Variants in PRKAR1A observed in about 807,000 individuals in gnomAD.
PRKAR1A encodes the protein protein kinase cAMP-dependent type I regulatory subunit alpha.
In PRKAR1A, 3 loss-of-function variants were observed where a neutral mutation model predicts 52.0. The observed-to-expected ratio is 0.06, with a 90% CI of 0.03 to 0.15. The LOEUF is 0.15. Among genes scored for constraint, PRKAR1A ranks in the 10% least tolerant of loss-of-function variants. The pLI, the probability that PRKAR1A is intolerant of heterozygous loss-of-function variation, is 1.00. For missense variants in PRKAR1A, 240 were observed against 477.4 expected (o/e 0.50, Z 4.63); for synonymous variants, 188 against 168.4 (o/e 1.12, Z -0.90).
chr17:68,486,889 T>G, the PRKAR1A span, among the ~76,000 whole-genome samples: 1 of 149,668 alleles, frequency 6.7e-6, no homozygotes, highest in Non-Finnish European at 1.5e-5. Context: ...TTTTTTTTTT[T>G]CTCAGATGAT....
the PRKAR1A span, among the ~76,000 whole-genome samples, chr17:68,495,741 C>T: frequency 2.6e-5 from 4 of 151,794 alleles, no homozygotes; most frequent in Admixed American, 6.6e-5. Flanking sequence ...AACTTAGTGC[C>T]TTAAAACCAT....
At chr17:68,537,118 A>G (rs2086117510), downstream of PRKAR1A, 2 of 477,906 alleles carry the variant, frequency 4.2e-6, no homozygotes, top group Non-Finnish European at 8.2e-6. The surrounding 1 kb of genome is among the most constrained non-coding windows in gnomAD (Gnocchi z 4.2). Flanking sequence ...CTGAGAAGTC[A>G]GGTATCCACT....
chr17:68,482,687 A>C, the PRKAR1A span, among the ~76,000 whole-genome samples: 1 of 152,232 alleles, frequency 6.6e-6, no homozygotes, highest in Admixed American at 6.5e-5. Context: ...TAAAGGTAAA[A>C]AGAATGGGCA....
chr17:68,424,314 G>A, the PRKAR1A span: 1 of 432,318 alleles, frequency 2.3e-6, no homozygotes, highest in Non-Finnish European at 4.7e-6. Flanking sequence ...AGCCGATGTG[G>A]GAAATCACAA....
chr17:68,502,092 C>G, the PRKAR1A span, among the ~76,000 whole-genome samples: 2 of 152,182 alleles, frequency 1.3e-5, no homozygotes, highest in Non-Finnish European at 2.9e-5. Context: ...TTGCAACAGA[C>G]TCCTGAGAAG....
chr17:68,534,116 TAGAA>T (rs1035520532), downstream of PRKAR1A, among the ~76,000 whole-genome samples: 1 of 152,216 alleles, frequency 6.6e-6, no homozygotes, highest in Non-Finnish European at 1.5e-5. Flanking sequence ...GATTTTTACA[TAGAA>T]AGCAGCATTG....
At chr17:68,419,251 G>C in the PRKAR1A span, among the ~76,000 whole-genome samples, 1 of 152,194 alleles carries the variant, frequency 6.6e-6, no homozygotes, top group Non-Finnish European at 1.5e-5. Context: ...AAGGGCAGAG[G>C]TTAAAGATAC....
chr17:68,463,603 T>C, the PRKAR1A span, among the ~76,000 whole-genome samples: 1 of 152,140 alleles, frequency 6.6e-6, no homozygotes, highest in African/African-American at 2.4e-5. Context: ...TGAAAGTGTG[T>C]TTGGGAGTGT....
chr17:68,544,912 C>A (rs2086476609), intron 11 of PRKAR1A, among the ~76,000 whole-genome samples: 1 of 152,112 alleles, frequency 6.6e-6, no homozygotes. Flanking sequence ...ATTTTAAATT[C>A]AAAGGTTGTT....
At chr17:68,446,330 G>A in the PRKAR1A span, among the ~76,000 whole-genome samples, 4 of 151,928 alleles carry the variant, frequency 2.6e-5, no homozygotes, top group African/African-American at 7.3e-5. Flanking sequence ...ACAGGTGTGC[G>A]CCACCATGCC....
the PRKAR1A span, among the ~76,000 whole-genome samples, chr17:68,452,348 C>T: frequency 6.6e-6 from 1 of 152,128 alleles, no homozygotes; most frequent in Non-Finnish European, 1.5e-5. Flanking sequence ...GCAGATAACT[C>T]AAAGTCAGGA....
At chr17:68,434,737 A>G in the PRKAR1A span, 3 of 1,063,218 alleles carry the variant, frequency 2.8e-6, no homozygotes, top group Non-Finnish European at 4.1e-6. Context: ...TCTGAGGAGG[A>G]AGAACACCAC....
At chr17:68,440,773 A>T in the PRKAR1A span, 1 of 152,242 alleles carries the variant, frequency 6.6e-6, no homozygotes, top group Non-Finnish European at 1.5e-5. Flanking sequence ...AAGTCCCATG[A>T]TTCTAAATGA....
At position 68,531,111 on chromosome 17, in the gene PRKAR1A, T is replaced by C. The variant is rs1458024298; in HGVS notation, c.*662T>C. Reference sequence around the variant, plus strand: ...GTTATTAATGTTTCTTCTCCAATTCTGAAATACTTTTGAGTATGGCTATCT... The same window carrying C: ...GTTATTAATGTTTCTTCTCCAATTCCGAAATACTTTTGAGTATGGCTATCT... On this transcript the variant is annotated 3_prime_UTR_variant, in exon 11 of 11. Coordinates refer to ENST00000589228, the MANE Select transcript of PRKAR1A (RefSeq NM_002734.5). 1.9e-6 allele frequency: 2 copies of C among 1,067,682 alleles called. No individual in the cohort carries two copies. Among genetic ancestry groups the C allele is most frequent in the Non-Finnish European group, 1.1e-6 (1 of 880,562 alleles). The allele number at this position is 1,067,682 out of a possible 1,614,324, so 66.1% of individuals were successfully genotyped here.
At chr17:68,496,208 AT>A in the PRKAR1A span, among the ~76,000 whole-genome samples, 1 of 147,324 alleles carries the variant, frequency 6.8e-6, no homozygotes, top group South Asian at 2.2e-4. Flanking sequence ...CGCCTGGCTA[AT>A]TTTTGTATTT....
intron 9 of PRKAR1A, 133 bp from the exon 10 acceptor site, chr17:68,529,787 G>T (rs980973903): frequency 3.5e-6 from 3 of 863,406 alleles, no homozygotes; most frequent in Non-Finnish European, 5.9e-6. Flanking sequence ...AGCTCATGTG[G>T]TGACTAACTT....
Position 68,532,091 on chromosome 17 carries a change from T to A in PRKAR1A, c.*1642T>A, listed in dbSNP as rs905876588. The A allele has an allele frequency of 9.4e-7, 1 of 1,064,882 alleles. No homozygotes were observed. Among genetic ancestry groups the A allele is most frequent in the African/African-American group, 1.6e-5 (1 of 61,048 alleles). The allele number at this position is 1,064,882 out of a possible 1,614,324, so 66.0% of individuals were successfully genotyped here. On this transcript the variant is annotated 3_prime_UTR_variant, in exon 11 of 11. Coordinates refer to ENST00000589228, the MANE Select transcript of PRKAR1A (RefSeq NM_002734.5). ...ATCTGGGGAAGAGGTTTTATTTACA[T>A]TTTAGGGTGGGTAAGAAAGCCACCT... is the stretch of plus-strand genomic sequence containing the variant.
chr17:68,526,309 T>A (rs566249284), intron 7 of PRKAR1A, among the ~76,000 whole-genome samples: 2 of 152,336 alleles, frequency 1.3e-5, no homozygotes, highest in South Asian at 4.1e-4. Flanking sequence ...TTCCCTAACC[T>A]GTGAAAGTGG....
the PRKAR1A span, among the ~76,000 whole-genome samples, chr17:68,459,714 A>G: frequency 6.6e-6 from 1 of 152,252 alleles, no homozygotes; most frequent in Non-Finnish European, 1.5e-5. Context: ...TCAGTTTTCT[A>G]GAAGATACAT....
Sources: gnomAD v4.1 joint callset for allele counts (sites outside exome capture counted in the v4.1 genomes callset) on GRCh38, gnomAD v4.1.1 for gene constraint, Gnocchi (gnomAD v3.1) non-coding constraint, MANE v1.5 for transcripts, NCBI Gene and HGNC (gene_info 2026-07-23, HGNC 2026-07-21) for gene names.